The following PPM1H variants were observed in gnomAD, a reference collection of about 807,000 sequenced individuals.
PPM1H encodes the protein protein phosphatase, Mg2+/Mn2+ dependent 1H, also known as protein phosphatase 1H.
PPM1H carries 27 observed loss-of-function variants against 54.9 expected under a neutral mutation model. The observed-to-expected ratio is 0.49, with a 90% CI of 0.36 to 0.68. The LOEUF is 0.68. Among genes scored for constraint, PPM1H ranks in the 30% least tolerant of loss-of-function variants. The pLI is 0.00. For missense variants in PPM1H, 596 were observed against 667.8 expected (o/e 0.89, Z 1.19); for synonymous variants, 305 against 270.8 (o/e 1.13, Z -1.24).
chr12:62,891,104 CAAAAAAAAA>C lies in PPM1H; in HGVS notation c.245+43379_245+43387del, dbSNP rs71450596. Among the ~76,000 whole-genome samples, 720 of 76,108 alleles carry C rather than the reference CAAAAAAAAA, an allele frequency of 9.5e-3. 7 individuals are homozygous for C. Among genetic ancestry groups the C allele is most frequent in the South Asian group, 0.044 (87 of 1,974 alleles). 49.9% of individuals were successfully genotyped at this position (76,108 alleles called of 152,430 possible). ...AGTCTGGGCAACAGAGCAAGACTCT[CAAAAAAAAA>C]AAAAAAAAAAAAGACTTGGCTGTTT... is the stretch of plus-strand genomic sequence containing the variant. On this transcript the variant is annotated intron_variant, in intron 1 of 9. Coordinates refer to ENST00000228705, the MANE Select transcript of PPM1H (RefSeq NM_020700.2).
rs188961588 is a variant in PPM1H at position 62,685,810 on chromosome 12, T to G, written c.1245+3889A>C. The stretch of plus-strand genomic sequence containing the variant: ...AAAAAATGATAAGTATATGAAGTGA[T>G]GAATATGTTAATTAGCTTAGTCATT... On this transcript the variant is annotated intron_variant, in intron 8 of 9. Transcript: ENST00000228705. 2.0e-5 allele frequency among the ~76,000 whole-genome samples: 3 copies of G among 152,346 alleles called. No individual in the cohort carries two copies. The East Asian group carries it at 5.8e-4, about 29-fold the overall frequency.
At chr12:62,923,301 C>T (rs534175612) in intron 1 of PPM1H, among the ~76,000 whole-genome samples, 1 of 152,290 alleles carries the variant, frequency 6.6e-6, no homozygotes, top group East Asian at 1.9e-4. Context: ...TAAAGCAAAT[C>T]TAACAAAATG....
At chr12:62,911,825 C>T (rs909779853) in intron 1 of PPM1H, among the ~76,000 whole-genome samples, 1 of 152,204 alleles carries the variant, frequency 6.6e-6, no homozygotes. Context: ...AAGAAAACTT[C>T]CCCCAAACCA....
intron 1 of PPM1H, among the ~76,000 whole-genome samples, chr12:62,892,398 C>A (rs1039457452): frequency 6.6e-6 from 1 of 152,174 alleles, no homozygotes; most frequent in Non-Finnish European, 1.5e-5. Context: ...GGACGCAATA[C>A]TTTTGCCATA....
At chr12:62,737,160 G>T (rs1361684456) in intron 5 of PPM1H, among the ~76,000 whole-genome samples, 1 of 150,936 alleles carries the variant, frequency 6.6e-6, no homozygotes, top group Non-Finnish European at 1.5e-5. Context: ...AGCGGGCCAT[G>T]GAAGAAGGTA....
At chr12:62,824,614 G>T (rs1484973999) in intron 2 of PPM1H, among the ~76,000 whole-genome samples, 4 of 152,136 alleles carry the variant, frequency 2.6e-5, no homozygotes, top group Non-Finnish European at 5.9e-5. Context: ...ACAACCATCT[G>T]ATCTTTGACA....
intron 2 of PPM1H, among the ~76,000 whole-genome samples, chr12:62,809,934 C>T (rs1041627040): frequency 4.6e-5 from 7 of 152,006 alleles, no homozygotes; most frequent in East Asian, 1.9e-4. Context: ...AACTATCCTT[C>T]GGTTTTTGGT....
chr12:62,739,079 G>GAAAA (rs34304517), intron 4 of PPM1H, among the ~76,000 whole-genome samples: 24 of 146,206 alleles, frequency 1.6e-4, no homozygotes, highest in Admixed American at 4.1e-4. Flanking sequence ...ATGACTCTAG[G>GAAAA]AAAAAAAAAA....
At chr12:62,852,810 T>C (rs1869245136) in intron 1 of PPM1H, among the ~76,000 whole-genome samples, 1 of 152,220 alleles carries the variant, frequency 6.6e-6, no homozygotes, top group African/African-American at 2.4e-5. Context: ...GTGAGTGGGA[T>C]GACCCGGCAC....
At chr12:62,733,848 A>G (rs566865110) in intron 5 of PPM1H, among the ~76,000 whole-genome samples, 9 of 152,200 alleles carry the variant, frequency 5.9e-5, no homozygotes, top group Non-Finnish European at 1.2e-4. Context: ...TGATTGTTTA[A>G]GGGCGACACC....
chr12:62,723,308 A>T (rs1225295237), intron 5 of PPM1H, among the ~76,000 whole-genome samples: 1 of 152,170 alleles, frequency 6.6e-6, no homozygotes, highest in Non-Finnish European at 1.5e-5. Context: ...AGTTAAAAAA[A>T]AAAAAGTAGC....
chr12:62,798,433 AT>A (rs964782832), intron 3 of PPM1H, among the ~76,000 whole-genome samples: 7 of 152,078 alleles, frequency 4.6e-5, no homozygotes, highest in Non-Finnish European at 8.8e-5. Flanking sequence ...TTTCAGCTTA[AT>A]TTTTTTTCCT....
rs77866805 is a variant in PPM1H, at chr12:62,700,238, T to C, written c.1074-6239A>G. ...CTCCTAGCTCACTTCCTGCTGACCTTCTTCTCTGTTCCCCATCATCACCCT... is the reference window on the plus strand; with the variant it reads ...CTCCTAGCTCACTTCCTGCTGACCTCCTTCTCTGTTCCCCATCATCACCCT... On this transcript the variant is annotated intron_variant, in intron 6 of 9. Coordinates refer to ENST00000228705, the MANE Select transcript of PPM1H (RefSeq NM_020700.2). Among the ~76,000 whole-genome samples, 1,358 of 152,218 alleles carry C rather than the reference T, an allele frequency of 8.9e-3. 12 individuals carry two copies. Among genetic ancestry groups the C allele is most frequent in the South Asian group, 0.026 (124 of 4,814 alleles).
At chr12:62,748,151 G>T (rs912504128) in intron 4 of PPM1H, among the ~76,000 whole-genome samples, 2 of 152,030 alleles carry the variant, frequency 1.3e-5, no homozygotes, top group Non-Finnish European at 2.9e-5. Flanking sequence ...GTCGAGGCAG[G>T]AGAATGGCGT....
intron 1 of PPM1H, among the ~76,000 whole-genome samples, chr12:62,848,321 T>C (rs1479407767): frequency 1.3e-5 from 2 of 152,214 alleles, no homozygotes; most frequent in Non-Finnish European, 2.9e-5. Flanking sequence ...AAACTTGATA[T>C]ATGAATTAAC....
At chr12:62,774,777 G>C (rs1383013276) in intron 4 of PPM1H, among the ~76,000 whole-genome samples, 3 of 152,200 alleles carry the variant, frequency 2.0e-5, no homozygotes, top group Non-Finnish European at 4.4e-5. Flanking sequence ...ATAAAGAGTA[G>C]GTCCAGAGTA....
chr12:62,773,408 A>C (rs2076590436), intron 4 of PPM1H, among the ~76,000 whole-genome samples: 1 of 152,182 alleles, frequency 6.6e-6, no homozygotes, highest in South Asian at 2.1e-4. Context: ...TTGGGAGGTC[A>C]AGGCTGCAGT....
At chr12:62,741,651 A>G (rs1376434257) in intron 4 of PPM1H, among the ~76,000 whole-genome samples, 1 of 152,032 alleles carries the variant, frequency 6.6e-6, no homozygotes, top group Non-Finnish European at 1.5e-5. Context: ...CGTGGTGTCT[A>G]TGCCTAGCTG....
intron 9 of PPM1H, among the ~76,000 whole-genome samples, chr12:62,666,520 A>G (rs1592531876): frequency 6.6e-6 from 1 of 152,214 alleles, no homozygotes; most frequent in Admixed American, 6.5e-5. Context: ...GATGACTATC[A>G]GTGCTGGGGT....
Sources: gnomAD v4.1 joint callset for allele counts (sites outside exome capture counted in the v4.1 genomes callset) on GRCh38, gnomAD v4.1.1 for gene constraint, MANE v1.5 for transcripts, NCBI Gene and HGNC (gene_info 2026-07-23, HGNC 2026-07-21) for gene names.